PAK1: variants seen among roughly 807,000 people sequenced by gnomAD.
PAK1 encodes the protein serine/threonine-protein kinase PAK 1.
A neutral mutation model predicts 67.4 loss-of-function variants in PAK1; 29 were observed. The observed-to-expected ratio is 0.43, with a 90% CI of 0.32 to 0.59. The LOEUF (loss-of-function observed/expected upper bound fraction) is 0.59, where lower values mean the gene tolerates loss of function less well. Ranked by LOEUF, PAK1 falls within the 20% of genes least tolerant of loss-of-function variation. PAK1 has a pLI of 0.07. For missense variants in PAK1, 337 were observed against 670.7 expected (o/e 0.50, Z 5.50); for synonymous variants, 223 against 237.4 (o/e 0.94, Z 0.56).
intron 5 of PAK1, among the ~76,000 whole-genome samples, chr11:77,371,853 T>C (rs1001972903): frequency 1.3e-5 from 2 of 152,216 alleles, no homozygotes; most frequent in African/African-American, 4.8e-5. Context: ...CCCTGCCATA[T>C]GGCATGAACC....
At chr11:77,393,617 T>C (rs929194552) in intron 1 of PAK1, among the ~76,000 whole-genome samples, 2 of 152,140 alleles carry the variant, frequency 1.3e-5, no homozygotes, top group African/African-American at 2.4e-5. Context: ...AAATATAAAA[T>C]GGTCAATGCA....
the PAK1 span, among the ~76,000 whole-genome samples, chr11:77,484,957 C>CA: frequency 3.0e-3 from 456 of 151,980 alleles, 3 homozygotes; most frequent in African/African-American, 0.01. Flanking sequence ...TGGTAGCAGG[C>CA]AAAAAAAGAG....
chr11:77,427,910 C>G (rs747443383), intron 1 of PAK1, among the ~76,000 whole-genome samples: 1 of 152,124 alleles, frequency 6.6e-6, no homozygotes, highest in Non-Finnish European at 1.5e-5. Flanking sequence ...TTTTATCAGA[C>G]AGTGAAGAGA....
At chr11:77,516,658 C>T in the PAK1 span, among the ~76,000 whole-genome samples, 1 of 152,038 alleles carries the variant, frequency 6.6e-6, no homozygotes, top group African/African-American at 2.4e-5. Flanking sequence ...AATGAAGCAT[C>T]TCACATGCCA....
intron 1 of PAK1, among the ~76,000 whole-genome samples, chr11:77,412,882 A>G (rs781734242): frequency 2.0e-5 from 3 of 152,240 alleles, no homozygotes; most frequent in Non-Finnish European, 4.4e-5. Flanking sequence ...GTATTTTTTA[A>G]CCAACTATTG....
chr11:77,354,755 C>G (rs1439737394), intron 7 of PAK1, among the ~76,000 whole-genome samples: 1 of 152,150 alleles, frequency 6.6e-6, no homozygotes, highest in Non-Finnish European at 1.5e-5. Flanking sequence ...TAGAGAACCA[C>G]AAAGCAATGC....
the PAK1 span, among the ~76,000 whole-genome samples, chr11:77,497,159 T>A: frequency 6.6e-6 from 1 of 152,132 alleles, no homozygotes; most frequent in Admixed American, 6.5e-5. Context: ...GGCGAACATC[T>A]CCAAGTCCAG....
chr11:77,522,150 G>A, the PAK1 span, among the ~76,000 whole-genome samples: 4 of 152,198 alleles, frequency 2.6e-5, no homozygotes, highest in African/African-American at 9.7e-5. Context: ...ATGGAACTCT[G>A]TTCCACAAGG....
intron 1 of PAK1, among the ~76,000 whole-genome samples, chr11:77,420,125 C>G (rs2138174102): frequency 6.6e-6 from 1 of 152,170 alleles, no homozygotes; most frequent in South Asian, 2.1e-4. Context: ...GGAAAAGGTT[C>G]ATGGAAGAGG....
intron 14 of PAK1, among the ~76,000 whole-genome samples, chr11:77,326,001 A>T (rs184013451): frequency 6.6e-6 from 1 of 152,280 alleles, no homozygotes. Flanking sequence ...ACAGGGCAGT[A>T]TGCCCTGCCC....
the PAK1 span, among the ~76,000 whole-genome samples, chr11:77,510,105 C>G: frequency 6.6e-6 from 1 of 152,126 alleles, no homozygotes; most frequent in Non-Finnish European, 1.5e-5. Context: ...TTACCTTTCC[C>G]TTTTTGGTTT....
At chr11:77,355,882 GT>G in intron 6 of PAK1, 40 bp from the exon 7 acceptor site, 1 of 1,371,616 alleles carries the variant, frequency 7.3e-7, no homozygotes, top group Non-Finnish European at 1.0e-6. Context: ...ACCAGCCTTT[GT>G]TAGCATAGGG....
At chr11:77,331,644 G>A (rs1190467656) in intron 14 of PAK1, among the ~76,000 whole-genome samples, 1 of 152,150 alleles carries the variant, frequency 6.6e-6, no homozygotes, top group Non-Finnish European at 1.5e-5. Context: ...GTGGGGTCAG[G>A]GGAGGGTGGA....
chr11:77,488,788 T>C, the PAK1 span, among the ~76,000 whole-genome samples: 7 of 152,040 alleles, frequency 4.6e-5, no homozygotes, highest in Non-Finnish European at 1.0e-4. Flanking sequence ...GGAAGTATGA[T>C]TAAAAAATCT....
In PAK1 at chr11:77,323,168, T is replaced by C. The variant is rs747401692; in HGVS notation, c.*106A>G. ...TCTTGAGGAGTGCTAGATCAGGAAA[T>C]GGGAGAAGCAAGGCAAGGAGAAGAG... is the stretch of plus-strand genomic sequence containing the variant. On this transcript the variant is annotated 3_prime_UTR_variant, in exon 15 of 15. Transcript: ENST00000356341. 48 of 1,564,664 alleles carry C rather than the reference T, an allele frequency of 3.1e-5. 1 individual carries two copies. The highest frequency in any genetic ancestry group is 3.5e-6 in the Non-Finnish European group (4 of 1,154,340).
intron 12 of PAK1, 83 bp downstream of exon 12, chr11:77,337,241 G>A: frequency 3.2e-6 from 2 of 619,728 alleles, no homozygotes; most frequent in African/African-American, 1.8e-5. Flanking sequence ...GAGTGTCGTA[G>A]TTACTATTAT....
chr11:77,350,637 A>C (rs1945110630), intron 8 of PAK1, among the ~76,000 whole-genome samples: 1 of 152,184 alleles, frequency 6.6e-6, no homozygotes, highest in African/African-American at 2.4e-5. Context: ...CTTCCTAGGC[A>C]AGCCCTGAGA....
rs769471788 is a variant in PAK1 at position 77,343,889 on chromosome 11, C to A, written c.928G>T (p.Glu310Ter). The A allele has an allele frequency of 6.2e-7, 1 of 1,613,574 alleles. No individual in the cohort carries two copies. The highest frequency in any genetic ancestry group is 1.1e-5 in the South Asian group (1 of 91,062). The change falls in exon 10 of 15, where the codon GAG becomes TAG. Residue 310 changes from glutamate to a stop codon, truncating the protein, a stop_gained. Transcript: ENST00000356341. LOFTEE classifies it high-confidence loss of function. ...QMNLQQQPKK[E>*]LIINEILVMR... ...ACCAGGATCTCATTAATAATCAGCT[C>A]TTTCTTGGGCTGCTGCTGAAGATTC...
At chr11:77,399,138 A>G (rs1301507172) in intron 1 of PAK1, among the ~76,000 whole-genome samples, 1 of 152,214 alleles carries the variant, frequency 6.6e-6, no homozygotes, top group Admixed American at 6.5e-5. Context: ...TATGTATGCT[A>G]GAAACCAAGA....
Sources: gnomAD v4.1 joint callset for allele counts (sites outside exome capture counted in the v4.1 genomes callset) on GRCh38, gnomAD v4.1.1 for gene constraint, MANE v1.5 for transcripts, NCBI Gene and HGNC (gene_info 2026-07-23, HGNC 2026-07-21) for gene names.